CFAP54: variants seen among roughly 807,000 people sequenced by gnomAD.
CFAP54 encodes the protein cilia and flagella associated protein 54, also known as cilia- and flagella-associated protein 54.
In CFAP54, 290 loss-of-function variants were observed where a neutral mutation model predicts 370.4. The observed-to-expected ratio is 0.78, with a 90% CI of 0.71 to 0.86. The LOEUF is 0.86. CFAP54 is among the 40% of genes least tolerant of loss of function. CFAP54 has a pLI of 0.00. For missense variants in CFAP54, 3,399 were observed against 3,528.7 expected (o/e 0.96, Z 0.93); for synonymous variants, 1,206 against 1,236.5 (o/e 0.98, Z 0.52).
intron 67 of CFAP54, among the ~76,000 whole-genome samples, chr12:96,874,864 G>C (rs965593382): frequency 1.9e-4 from 29 of 151,832 alleles, no homozygotes; most frequent in African/African-American, 6.5e-4. Flanking sequence ...TGATCCGCCC[G>C]CCTCGGCCTC....
chr12:96,610,936 G>T (rs1462960780), intron 26 of CFAP54, among the ~76,000 whole-genome samples: 1 of 152,234 alleles, frequency 6.6e-6, no homozygotes, highest in Non-Finnish European at 1.5e-5. Context: ...AGGCCTGCCT[G>T]CCTCTGTAGA....
intron 26 of CFAP54, among the ~76,000 whole-genome samples, chr12:96,618,129 C>T (rs1170052708): frequency 1.3e-5 from 2 of 152,002 alleles, no homozygotes; most frequent in Non-Finnish European, 1.5e-5. Flanking sequence ...GGGCACTGAA[C>T]ACAACTACTT....
chr12:96,538,656 G>T, intron 13 of CFAP54, 138 bp downstream of exon 13: 1 of 800,114 alleles, frequency 1.2e-6, no homozygotes, highest in Non-Finnish European at 1.9e-6. Context: ...ATATAAAGAA[G>T]ATATTCTTTC....
chr12:96,824,241 C>T lies in CFAP54; in HGVS notation c.9097-4773C>T, dbSNP rs577242136. On this transcript the variant is annotated intron_variant, in intron 65 of 67. Transcript: ENST00000524981. Reference sequence around the variant, plus strand: ...GCAAGGTCACACAAGGAACTCACAGCCCCAACCTCCAGTCAGCCAATTTCA... The same window carrying T: ...GCAAGGTCACACAAGGAACTCACAGTCCCAACCTCCAGTCAGCCAATTTCA... Among the ~76,000 whole-genome samples, 14 of 152,260 alleles carry T rather than the reference C, an allele frequency of 9.2e-5. 1 individual carries two copies. The South Asian group carries it at 2.5e-3, about 27-fold the overall frequency.
At chr12:96,660,122 A>G (rs1238136350) in intron 38 of CFAP54, among the ~76,000 whole-genome samples, 1 of 152,212 alleles carries the variant, frequency 6.6e-6, no homozygotes, top group African/African-American at 2.4e-5. Context: ...GATCTAGAAG[A>G]CTTCTTGGAG....
chr12:96,597,671 A>G (rs1244820366), intron 25 of CFAP54, among the ~76,000 whole-genome samples: 1 of 151,782 alleles, frequency 6.6e-6, no homozygotes, highest in Non-Finnish European at 1.5e-5. Flanking sequence ...ATTTCTCACC[A>G]GACATGGTTG....
chr12:96,827,103 A>T (rs571043114), intron 65 of CFAP54, among the ~76,000 whole-genome samples: 129 of 119,320 alleles, frequency 1.1e-3, no homozygotes, highest in African/African-American at 4.0e-3. Context: ...ATGTGCAATT[A>T]TATGTGATTA....
chr12:96,684,900 C>G, intron 41 of CFAP54, 129 bp from the exon 42 acceptor site: 1 of 976,174 alleles, frequency 1.0e-6, no homozygotes, highest in Admixed American at 2.4e-5. Context: ...CCATTAAGAA[C>G]AGTGAATGTA....
intron 45 of CFAP54, among the ~76,000 whole-genome samples, chr12:96,698,256 A>G (rs1272883529): frequency 6.6e-6 from 1 of 152,186 alleles, no homozygotes; most frequent in East Asian, 1.9e-4. Context: ...TAATTTTCTG[A>G]TTGATGATCC....
intron 36 of CFAP54, among the ~76,000 whole-genome samples, chr12:96,654,509 A>AG (rs1032839304): frequency 6.6e-5 from 10 of 151,550 alleles, no homozygotes; most frequent in African/African-American, 9.8e-5. Flanking sequence ...TCAAAAAAAA[A>AG]AAAAAAATTT....
At position 96,757,613 on chromosome 12, in the gene CFAP54, T is replaced by C. The variant is rs369258716; in HGVS notation, c.8040+25T>C. ...GGTAAGAGTCTATTTTATTAGAAAT[T>C]ATGAGTTAATTGCCTTTGAGCTTGC... On this transcript the variant is annotated intron_variant, in intron 58 of 67. Coordinates refer to ENST00000524981, the MANE Select transcript of CFAP54 (RefSeq NM_001306084.2). The C allele has an allele frequency of 3.6e-5, 50 of 1,375,446 alleles. 2 individuals are homozygous for C. The African/African-American group carries it at 4.7e-4, about 13-fold the overall frequency. The allele number at this position is 1,375,446 out of a possible 1,614,324, so 85.2% of individuals were successfully genotyped here.
chr12:96,599,251 A>G (rs1299597474), intron 26 of CFAP54, among the ~76,000 whole-genome samples: 3 of 146,424 alleles, frequency 2.0e-5, no homozygotes, highest in African/African-American at 7.7e-5. Flanking sequence ...GAGTGAGACC[A>G]TATGGTGTTT....
At chr12:96,643,891 G>A (rs1017958525) in intron 32 of CFAP54, among the ~76,000 whole-genome samples, 1 of 152,064 alleles carries the variant, frequency 6.6e-6, no homozygotes, top group South Asian at 2.1e-4. Flanking sequence ...TAGCCTTTTG[G>A]TTATGAAAAA....
intron 9 of CFAP54, among the ~76,000 whole-genome samples, chr12:96,531,409 G>A (rs1293251886): frequency 1.3e-5 from 2 of 151,842 alleles, no homozygotes; most frequent in African/African-American, 4.8e-5. Flanking sequence ...GTTTAGTAAT[G>A]CAGCAGATAC....
intron 45 of CFAP54, among the ~76,000 whole-genome samples, chr12:96,696,168 G>A (rs932706793): frequency 2.6e-5 from 4 of 152,170 alleles, no homozygotes; most frequent in Non-Finnish European, 5.9e-5. Context: ...CTTGTTTAGG[G>A]GGTGGGGTGG....
At chr12:96,752,120 G>GAGAGAGAGAT (rs1958192642) in intron 55 of CFAP54, among the ~76,000 whole-genome samples, 3 of 150,766 alleles carry the variant, frequency 2.0e-5, no homozygotes, top group Admixed American at 1.3e-4. Flanking sequence ...GAGAGAGAGA[G>GAGAGAGAGAT]AGAGAGAGAG....
At position 96,732,860 on chromosome 12, in the gene CFAP54, G is replaced by GTTT. The variant is rs143874439; in HGVS notation, c.6966-7088_6966-7086dup. 9.4e-5 allele frequency among the ~76,000 whole-genome samples: 14 copies of GTTT among 149,180 alleles called. No individual in the cohort carries two copies. In the East Asian group the frequency reaches 2.3e-3, roughly 25 times the overall value. ...TTACTATATAATTCTCTATAGAACT[G>GTTT]TTTTTTTTTTCCAAACTATGTGTCA... On this transcript the variant is annotated intron_variant, in intron 50 of 67. Coordinates refer to ENST00000524981, the MANE Select transcript of CFAP54 (RefSeq NM_001306084.2).
intron 19 of CFAP54, among the ~76,000 whole-genome samples, chr12:96,570,350 T>C (rs1284657401): frequency 2.0e-5 from 3 of 151,548 alleles, no homozygotes; most frequent in Non-Finnish European, 4.4e-5. Context: ...AGCCAACTTC[T>C]AATTCTGACC....
intron 63 of CFAP54, among the ~76,000 whole-genome samples, chr12:96,794,395 T>G (rs968196130): frequency 3.3e-5 from 5 of 152,020 alleles, no homozygotes; most frequent in Non-Finnish European, 7.4e-5. Flanking sequence ...TTTAGTTGTT[T>G]AACATAATCC....
Sources: gnomAD v4.1 joint callset for allele counts (sites outside exome capture counted in the v4.1 genomes callset) on GRCh38, gnomAD v4.1.1 for gene constraint, MANE v1.5 for transcripts, NCBI Gene and HGNC (gene_info 2026-07-23, HGNC 2026-07-21) for gene names.